Variants in FRMD3 observed in about 807,000 individuals in gnomAD.
FRMD3 encodes the protein FERM domain-containing protein 3.
FRMD3 carries 33 observed loss-of-function variants against 70.2 expected under a neutral mutation model. The ratio of observed to expected loss-of-function variants is 0.47; its 90% CI spans 0.36 to 0.63. FRMD3 has a LOEUF of 0.63. Ranked by LOEUF, FRMD3 falls within the 20% of genes least tolerant of loss-of-function variation. The pLI, the probability that FRMD3 is intolerant of heterozygous loss-of-function variation, is 0.00. For missense variants in FRMD3, 632 were observed against 711.4 expected, an observed-to-expected ratio of 0.89 and a Z score of 1.27; for synonymous variants, 279 against 255.9, an observed-to-expected ratio of 1.09 and a Z score of -0.86.
At chr9:83,424,158 C>A (rs1826733246) in intron 1 of FRMD3, among the ~76,000 whole-genome samples, 1 of 152,162 alleles carries the variant, frequency 6.6e-6, no homozygotes, top group Non-Finnish European at 1.5e-5. Context: ...GTGGCCATGG[C>A]CCTTGCTGAG....
chr9:83,359,174 A>G (rs1200714717), intron 3 of FRMD3, among the ~76,000 whole-genome samples: 2 of 152,124 alleles, frequency 1.3e-5, no homozygotes, highest in Admixed American at 6.6e-5. Flanking sequence ...CTCTCGTTAC[A>G]GTTCCCTCCT....
intron 7 of FRMD3, among the ~76,000 whole-genome samples, chr9:83,312,289 T>C (rs187240219): frequency 4.1e-4 from 62 of 152,340 alleles, no homozygotes; most frequent in African/African-American, 1.4e-3. Flanking sequence ...GCCTGTGTTC[T>C]AGGTCTGCTT....
rs1829920662 is a variant in FRMD3 at position 83,537,417 on chromosome 9, C to T, written c.147+668G>A. Among the ~76,000 whole-genome samples the T allele has an allele frequency of 6.6e-6, 1 of 152,240 alleles. No homozygotes were observed. The highest frequency in any genetic ancestry group is 6.5e-5 in the Admixed American group (1 of 15,292). Reference sequence around the variant, plus strand: ...AATCCCTTTTCCTTTCTCCGAAACACTCAGACTTCACACATTCCTTTCGAG... The same window carrying T: ...AATCCCTTTTCCTTTCTCCGAAACATTCAGACTTCACACATTCCTTTCGAG... On this transcript the variant is annotated intron_variant, in intron 1 of 13. Transcript: ENST00000304195. This position sits in a 1 kb window ranked among gnomAD's most constrained non-coding sequence, Gnocchi z 4.1.
rs1041110154 is a variant in FRMD3 at position 83,290,945 on chromosome 9, A to G, written c.1071-218T>C. 7.6e-4 allele frequency among the ~76,000 whole-genome samples: 116 copies of G among 152,202 alleles called. 2 individuals are homozygous for G. Among genetic ancestry groups the G allele is most frequent in the African/African-American group, 2.6e-3 (107 of 41,436 alleles). Reference sequence around the variant, plus strand: ...TGTCCCTATGTTCTACTGCAACTCAACGAAAGAAAATACAGTTCCCAATAC... The same window carrying G: ...TGTCCCTATGTTCTACTGCAACTCAGCGAAAGAAAATACAGTTCCCAATAC... On this transcript the variant is annotated intron_variant, in intron 12 of 13. Coordinates refer to ENST00000304195, the MANE Select transcript of FRMD3 (RefSeq NM_174938.6).
chr9:83,446,380 G>A (rs992199725), intron 1 of FRMD3, among the ~76,000 whole-genome samples: 9 of 152,160 alleles, frequency 5.9e-5, no homozygotes, highest in Admixed American at 5.2e-4. Context: ...GGGCGCGGTG[G>A]CTCACGCATG....
chr9:83,391,017 G>C (rs933166361), intron 1 of FRMD3, among the ~76,000 whole-genome samples: 1 of 152,188 alleles, frequency 6.6e-6, no homozygotes. Flanking sequence ...GCAGTGATTA[G>C]ACAATGCAAG....
chr9:83,576,529 A>G, the FRMD3 span, among the ~76,000 whole-genome samples: 1 of 152,062 alleles, frequency 6.6e-6, no homozygotes, highest in African/African-American at 2.4e-5. Flanking sequence ...GTACATATTA[A>G]TTCATCACCC....
chr9:83,339,533 A>G (rs944700603), intron 5 of FRMD3, among the ~76,000 whole-genome samples: 3 of 152,222 alleles, frequency 2.0e-5, no homozygotes, highest in Non-Finnish European at 4.4e-5. Context: ...CAGTAAGTCT[A>G]AAAAGCAACA....
At chr9:83,509,324 G>A (rs1412258101) in intron 1 of FRMD3, among the ~76,000 whole-genome samples, 1 of 152,108 alleles carries the variant, frequency 6.6e-6, no homozygotes, top group East Asian at 1.9e-4. Flanking sequence ...TTTTCAATAT[G>A]GGTTAGGTTT....
chr9:83,474,322 T>A (rs1828342802), intron 1 of FRMD3, among the ~76,000 whole-genome samples: 1 of 152,230 alleles, frequency 6.6e-6, no homozygotes, highest in African/African-American at 2.4e-5. Flanking sequence ...ATTGTCTCTA[T>A]CATTTATTTA....
chr9:83,455,311 C>T (rs1321994602), intron 1 of FRMD3, among the ~76,000 whole-genome samples: 1 of 151,986 alleles, frequency 6.6e-6, no homozygotes, highest in Non-Finnish European at 1.5e-5. Context: ...TGGCTGTGTC[C>T]CCTCCCAAAT....
intron 2 of FRMD3, among the ~76,000 whole-genome samples, chr9:83,387,747 T>C (rs2131292802): frequency 6.6e-6 from 1 of 152,288 alleles, no homozygotes; most frequent in South Asian, 2.1e-4. Context: ...TGGAATATCT[T>C]CACAGGCTAT....
At chr9:83,564,754 T>A in the FRMD3 span, among the ~76,000 whole-genome samples, 1 of 152,156 alleles carries the variant, frequency 6.6e-6, no homozygotes, top group Non-Finnish European at 1.5e-5. Flanking sequence ...TGGCACAAAA[T>A]ACAAGTGTTT....
rs1311123577 is a variant in FRMD3, at chr9:83,246,052, C to A, written c.*1866G>T. 1.0e-6 allele frequency: 1 copy of A among 985,242 alleles called. No homozygotes were observed. The highest frequency in any genetic ancestry group is 1.7e-5 in the African/African-American group (1 of 57,208). 61.0% of individuals were successfully genotyped at this position (985,242 alleles called of 1,614,324 possible). A position where few individuals can be genotyped will look rare whatever the true frequency, so the allele number is the denominator to read the frequency against. Reference sequence around the variant, plus strand: ...ATATAGTCATTTGCTCGACTGCAGGCTTCACGAACTGAGTTTCAAAACTCA... The same window carrying A: ...ATATAGTCATTTGCTCGACTGCAGGATTCACGAACTGAGTTTCAAAACTCA... On this transcript the variant is annotated 3_prime_UTR_variant, in exon 14 of 14. Transcript: ENST00000304195.
At chr9:83,298,116 C>A (rs528857455) in intron 12 of FRMD3, among the ~76,000 whole-genome samples, 56 of 152,274 alleles carry the variant, frequency 3.7e-4, no homozygotes, top group African/African-American at 1.3e-3. Context: ...GGTGATCTTT[C>A]CTTAAAAAGT....
chr9:83,538,358 G>C lies in FRMD3; in HGVS notation c.-127C>G. 2 of 860,182 alleles carry C rather than the reference G, an allele frequency of 2.3e-6. No individual in the cohort carries two copies. Among genetic ancestry groups the C allele is most frequent in the Non-Finnish European group, 3.1e-6 (2 of 648,518 alleles). 53.3% of individuals were successfully genotyped at this position (860,182 alleles called of 1,614,324 possible). ...GGCTCAGCCCCGGGACATCGGCAGC[G>C]TCGGGCGCCTGCGGACACACATGCC... On this transcript the variant is annotated 5_prime_UTR_variant, in exon 1 of 14. Transcript: ENST00000304195. The surrounding 1 kb of genome is among the most constrained non-coding windows in gnomAD (Gnocchi z 4.7).
intron 1 of FRMD3, among the ~76,000 whole-genome samples, chr9:83,451,639 T>A (rs1440510481): frequency 2.0e-5 from 3 of 152,126 alleles, no homozygotes; most frequent in Non-Finnish European, 4.4e-5. Flanking sequence ...GCTGAAGGTA[T>A]GACCAGGCAA....
chr9:83,471,810 G>A (rs149461463), intron 1 of FRMD3, among the ~76,000 whole-genome samples: 75 of 152,332 alleles, frequency 4.9e-4, no homozygotes, highest in African/African-American at 1.8e-3. Flanking sequence ...TTTACTGACT[G>A]AACCCAAAAT....
the FRMD3 span, among the ~76,000 whole-genome samples, chr9:83,572,213 C>T: frequency 3.3e-5 from 5 of 151,802 alleles, no homozygotes; most frequent in African/African-American, 4.8e-5. Flanking sequence ...GGTAACAGCA[C>T]ATTTGTAGTC....
Sources: allele counts gnomAD v4.1 joint callset (sites outside exome capture counted in the v4.1 genomes callset), GRCh38; gene constraint gnomAD v4.1.1; non-coding constraint Gnocchi (gnomAD v3.1); transcripts MANE v1.5; gene names NCBI Gene and HGNC (gene_info 2026-07-23, HGNC 2026-07-21).